The following HMGCL variants were observed in gnomAD, a reference collection of about 807,000 sequenced individuals.
The protein encoded by HMGCL is hydroxymethylglutaryl-CoA lyase, mitochondrial.
HMGCL carries 26 observed loss-of-function variants against 37.3 expected under a neutral mutation model. That is an observed-to-expected ratio of 0.70 (90% CI 0.51 to 0.97). HMGCL has a LOEUF of 0.97. Ranked by LOEUF, HMGCL falls within the 50% of genes least tolerant of loss-of-function variation. HMGCL has a pLI of 0.00. For synonymous variants in HMGCL, 151 were observed against 148.0 expected, an observed-to-expected ratio of 1.02 and a Z score of -0.15; for missense variants, 379 against 398.1, an observed-to-expected ratio of 0.95 and a Z score of 0.41.
intron 8 of HMGCL, among the ~76,000 whole-genome samples, chr1:23,802,781 G>C (rs1638309790): frequency 6.6e-6 from 1 of 152,202 alleles, no homozygotes; most frequent in Non-Finnish European, 1.5e-5. Context: ...CCCAATCTCT[G>C]TCATGGTTTG....
chr1:23,820,726 C>T, intron 1 of HMGCL, 133 bp from the exon 2 acceptor site: 1 of 725,390 alleles, frequency 1.4e-6, no homozygotes, highest in Non-Finnish European at 2.5e-6. Context: ...ATTTAATTCA[C>T]ATTTGGTCTA....
At chr1:23,824,772 C>T (rs889655126) in intron 1 of HMGCL, among the ~76,000 whole-genome samples, 1 of 152,218 alleles carries the variant, frequency 6.6e-6, no homozygotes, top group Admixed American at 6.5e-5. Flanking sequence ...TTGGGACACC[C>T]TAGCTTCAGC....
intron 4 of HMGCL, among the ~76,000 whole-genome samples, 193 bp from the exon 5 acceptor site, chr1:23,814,531 C>T (rs780213100): frequency 4.6e-5 from 7 of 152,046 alleles, no homozygotes; most frequent in African/African-American, 4.8e-5. Context: ...CCACCACGCC[C>T]GGCTAATTTT....
chr1:23,802,150 T>C lies in HMGCL; in HGVS notation c.*313A>G, dbSNP rs980956112. On this transcript the variant is annotated 3_prime_UTR_variant, in exon 9 of 9. Transcript: ENST00000374490. ...CGCGGATTCCATCCAGAGAGGAGAC[T>C]CAAGGATCATGCTAAGTAGGGAACG... 2.2e-5 allele frequency: 13 copies of C among 582,588 alleles called. No individual in the cohort carries two copies. The highest frequency in any genetic ancestry group is 3.7e-5 in the Non-Finnish European group (12 of 327,764). 36.1% of individuals were successfully genotyped at this position (582,588 alleles called of 1,614,324 possible).
Position 23,822,090 on chromosome 1 carries a change from T to C in HMGCL, c.61-1497A>G, listed in dbSNP as rs182273870. Among the ~76,000 whole-genome samples the C allele has an allele frequency of 2.3e-3, 355 of 152,346 alleles. 1 individual carries two copies. Among genetic ancestry groups the C allele is most frequent in the African/African-American group, 8.2e-3 (341 of 41,584 alleles). ...TCAACTCCACTTCATCCCTAGTGTT[T>C]GGCACCGTGTTTGGTACAAAGTAGC... On this transcript the variant is annotated intron_variant, in intron 1 of 8. Coordinates refer to ENST00000374490, the MANE Select transcript of HMGCL (RefSeq NM_000191.3).
intron 2 of HMGCL, among the ~76,000 whole-genome samples, chr1:23,818,196 C>A (rs1383437057): frequency 6.6e-6 from 1 of 152,200 alleles, no homozygotes; most frequent in Non-Finnish European, 1.5e-5. Flanking sequence ...CATTGGCTCA[C>A]GCCTGTAATC....
In HMGCL at chr1:23,802,247, A is replaced by C. The variant is rs757186957; in HGVS notation, c.*216T>G. On this transcript the variant is annotated 3_prime_UTR_variant, in exon 9 of 9. Coordinates refer to ENST00000374490, the MANE Select transcript of HMGCL (RefSeq NM_000191.3). ...TAACAAAGGGAGACTTCAGCCCTCAAAGCCTCTCACTCCTCAGGTCTGGGC... is the reference window on the plus strand; with the variant it reads ...TAACAAAGGGAGACTTCAGCCCTCACAGCCTCTCACTCCTCAGGTCTGGGC... 4.1e-5 allele frequency: 25 copies of C among 605,722 alleles called. No individual in the cohort carries two copies. Among genetic ancestry groups the C allele is most frequent in the Non-Finnish European group, 7.3e-5 (25 of 341,448 alleles). 37.5% of individuals were successfully genotyped at this position (605,722 alleles called of 1,614,324 possible).
chr1:23,824,777 T>C (rs1638784880), intron 1 of HMGCL, among the ~76,000 whole-genome samples: 1 of 152,236 alleles, frequency 6.6e-6, no homozygotes, highest in South Asian at 2.1e-4. Context: ...ACACCCTAGC[T>C]TCAGCTTTTA....
intron 8 of HMGCL, chr1:23,804,157 C>A: frequency 1.7e-6 from 1 of 587,766 alleles, no homozygotes; most frequent in Non-Finnish European, 3.1e-6. Context: ...TTCACCCAGG[C>A]TGGAGTACAC....
At position 23,819,740 on chromosome 1, in the gene HMGCL, C is replaced by T. The variant is rs187549813; in HGVS notation, c.144+770G>A. ...TGAGATGCCATCTCCCAAAAACACA[C>T]ACACACACACGCGCGCGTGCGTACG... On this transcript the variant is annotated intron_variant, in intron 2 of 8. Coordinates refer to ENST00000374490, the MANE Select transcript of HMGCL (RefSeq NM_000191.3). 6.9e-3 allele frequency among the ~76,000 whole-genome samples: 1,043 copies of T among 152,240 alleles called. 17 individuals are homozygous for T. The highest frequency in any genetic ancestry group is 0.023 in the African/African-American group (974 of 41,556).
chr1:23,813,227 GT>G (rs58260499), intron 5 of HMGCL, among the ~76,000 whole-genome samples: 263 of 70,808 alleles, frequency 3.7e-3, no homozygotes, highest in African/African-American at 8.5e-3. Flanking sequence ...TGGCTGCAAT[GT>G]TTTTTTTTTT....
intron 4 of HMGCL, among the ~76,000 whole-genome samples, chr1:23,816,164 G>A (rs956615259): frequency 1.3e-5 from 2 of 148,358 alleles, no homozygotes; most frequent in African/African-American, 5.0e-5. Context: ...GCCTCAAGCT[G>A]TTCTCCGGCC....
At chr1:23,816,320 GAA>G (rs1570651606) in intron 4 of HMGCL, 1 of 331,186 alleles carries the variant, frequency 3.0e-6, no homozygotes, top group East Asian at 7.4e-5. Flanking sequence ...AACTACTGTT[GAA>G]ACTCTTGTGG....
chr1:23,805,726 A>G (rs1490576035), intron 7 of HMGCL, among the ~76,000 whole-genome samples: 2 of 151,686 alleles, frequency 1.3e-5, no homozygotes, highest in Non-Finnish European at 2.9e-5. Flanking sequence ...TTCCTCAGAC[A>G]GCTTCTCTAT....
At chr1:23,816,126 T>C (rs576560534) in intron 4 of HMGCL, among the ~76,000 whole-genome samples, 25 of 150,384 alleles carry the variant, frequency 1.7e-4, no homozygotes, top group African/African-American at 5.6e-4. Context: ...GGTCTCCTTA[T>C]GTTGCTCAGG....
intron 7 of HMGCL, chr1:23,807,256 C>T (rs749070884): frequency 2.1e-5 from 11 of 518,310 alleles, no homozygotes; most frequent in Non-Finnish European, 3.5e-5. Flanking sequence ...GAAGGAAAGC[C>T]CAGGAACCAG....
At chr1:23,815,913 G>T (rs921351923) in intron 4 of HMGCL, among the ~76,000 whole-genome samples, 6 of 149,502 alleles carry the variant, frequency 4.0e-5, no homozygotes, top group African/African-American at 1.5e-4. Context: ...CACCCTGGAA[G>T]TCACTCTTGA....
chr1:23,803,794 C>CAGAT (rs1638344140), intron 8 of HMGCL: 1 of 152,766 alleles, frequency 6.5e-6, no homozygotes, highest in African/African-American at 2.4e-5. Flanking sequence ...TCTTTAAGCA[C>CAGAT]AGATGCTATT....
intron 2 of HMGCL, 69 bp downstream of exon 2, chr1:23,820,441 A>C (rs1638696676): frequency 9.5e-7 from 1 of 1,054,052 alleles, no homozygotes; most frequent in East Asian, 2.4e-5. Context: ...CTGCCATTGC[A>C]CCTATCACAC....
Sources: allele counts gnomAD v4.1 joint callset (sites outside exome capture counted in the v4.1 genomes callset), GRCh38; gene constraint gnomAD v4.1.1; transcripts MANE v1.5; gene names NCBI Gene and HGNC (gene_info 2026-07-23, HGNC 2026-07-21).